The following TMED10 variants were observed in gnomAD, a reference collection of about 807,000 sequenced individuals.
The protein encoded by TMED10 is transmembrane p24 trafficking protein 10, also known as transmembrane emp24 domain-containing protein 10.
TMED10 carries 7 observed loss-of-function variants against 23.1 expected under a neutral mutation model. The observed-to-expected ratio is 0.30, with a 90% CI of 0.17 to 0.57. The LOEUF is 0.57. TMED10 is among the 20% of genes least tolerant of loss of function. The pLI is 0.91. For missense variants in TMED10, 162 were observed against 274.8 expected (o/e 0.59, Z 2.90); for synonymous variants, 113 against 106.9 (o/e 1.06, Z -0.35).
chr14:75,165,989 G>A (rs995463708), intron 1 of TMED10, among the ~76,000 whole-genome samples: 1 of 151,458 alleles, frequency 6.6e-6, no homozygotes, highest in Non-Finnish European at 1.5e-5. Flanking sequence ...GGGAGGAGTG[G>A]GGGGGTAAGA....
At chr14:75,151,917 C>T in intron 2 of TMED10, 115 bp downstream of exon 2, 1 of 938,902 alleles carries the variant, frequency 1.1e-6, no homozygotes, top group Non-Finnish European at 1.6e-6. Context: ...AACAGGTCTC[C>T]AAATCAGAAT....
chr14:75,176,586 G>T lies in TMED10; in HGVS notation c.-7C>A. The T allele has an allele frequency of 1.2e-6, 2 of 1,613,932 alleles. No individual in the cohort carries two copies. The highest frequency in any genetic ancestry group is 2.2e-5 in the South Asian group (2 of 91,060). On this transcript the variant is annotated 5_prime_UTR_variant, in exon 1 of 5. Coordinates refer to ENST00000303575, the MANE Select transcript of TMED10 (RefSeq NM_006827.6). ...GGCCAGACAAACCAGACATGGTGCTGGAGACTCGTTCACCACCGAAGGCCT... is the reference window on the plus strand; with the variant it reads ...GGCCAGACAAACCAGACATGGTGCTTGAGACTCGTTCACCACCGAAGGCCT...
At position 75,131,873 on chromosome 14, in the gene TMED10, A is replaced by C. The variant is rs2139825911; in HGVS notation, c.*3012T>G. 6.6e-6 allele frequency: 1 copy of C among 152,430 alleles called. No homozygotes were observed. Among genetic ancestry groups the C allele is most frequent in the East Asian group, 1.9e-4 (1 of 5,194 alleles). The allele number at this position is 152,430 out of a possible 1,614,324, so 9.4% of individuals were successfully genotyped here. ...AAGGGAAGGGACATGAAAGAATGTC[A>C]ACTCCTACAAAGCTTAAGTTTAGGG... On this transcript the variant is annotated 3_prime_UTR_variant, in exon 5 of 5. Transcript: ENST00000303575.
Position 75,132,396 on chromosome 14 carries a change from C to G in TMED10, c.*2489G>C, listed in dbSNP as rs1339152768. On this transcript the variant is annotated 3_prime_UTR_variant, in exon 5 of 5. Transcript: ENST00000303575. ...CAGCAAGACTCCGTCCCCCCCCCCC[C>G]AAAAAAAAAAAAGTTTAAGGATGTA... 9.8e-6 allele frequency: 1 copy of G among 102,518 alleles called. No homozygotes were observed. Among genetic ancestry groups the G allele is most frequent in the Non-Finnish European group, 2.0e-5 (1 of 50,280 alleles). The allele number at this position is 102,518 out of a possible 1,614,324, so 6.4% of individuals were successfully genotyped here. A position where few individuals can be genotyped will look rare whatever the true frequency, so the allele number is the denominator to read the frequency against.
At chr14:75,149,205 CTG>C (rs1315395851) in intron 2 of TMED10, among the ~76,000 whole-genome samples, 1 of 152,256 alleles carries the variant, frequency 6.6e-6, no homozygotes, top group East Asian at 1.9e-4. Context: ...GCATGAGCCA[CTG>C]TGCCTGGCGG....
At chr14:75,140,994 A>T (rs1434675686) in intron 3 of TMED10, among the ~76,000 whole-genome samples, 1 of 152,152 alleles carries the variant, frequency 6.6e-6, no homozygotes, top group Non-Finnish European at 1.5e-5. Flanking sequence ...GATTTTTTTT[A>T]AACATTTTAA....
intron 1 of TMED10, among the ~76,000 whole-genome samples, chr14:75,155,045 G>A (rs1052570951): frequency 6.7e-6 from 1 of 150,068 alleles, no homozygotes; most frequent in South Asian, 2.2e-4. Flanking sequence ...TGCAACCTCC[G>A]CCTTCCGGAT....
intron 3 of TMED10, chr14:75,139,276 C>T (rs1378611314): frequency 3.3e-5 from 12 of 367,114 alleles, no homozygotes; most frequent in Non-Finnish European, 5.8e-5. Flanking sequence ...TAAGATCTTT[C>T]CAAAAATGTC....
intron 3 of TMED10, among the ~76,000 whole-genome samples, chr14:75,136,124 G>A (rs541829574): frequency 5.3e-5 from 8 of 152,044 alleles, no homozygotes; most frequent in South Asian, 2.1e-4. Context: ...TATAATAACC[G>A]TAGGCTATAA....
Position 75,144,609 on chromosome 14 carries a change from AGTCCACAGATATGAGGGAGAGATGT to A in TMED10, c.411+3030_411+3054del, listed in dbSNP as rs574062787. ...GACCACATGGGATTTCAGAATTATG[AGTCCACAGATATGAGGGAGAGATGT>A]GTTGGACATGAAAATTAAAGAAGTA... On this transcript the variant is annotated intron_variant, in intron 3 of 4. Coordinates refer to ENST00000303575, the MANE Select transcript of TMED10 (RefSeq NM_006827.6). Among the ~76,000 whole-genome samples the A allele has an allele frequency of 7.0e-4, 107 of 152,364 alleles. 2 individuals are homozygous for A. The highest frequency in any genetic ancestry group is 6.8e-3 in the Middle Eastern group (2 of 294).
rs1348099543 is a variant in TMED10, at chr14:75,132,586, T to C, written c.*2299A>G. Reference sequence around the variant, plus strand: ...TTCTCAACAGCAGATGGCAATGTTGTACAAGTTAACGACAGAACTACTTTT... The same window carrying C: ...TTCTCAACAGCAGATGGCAATGTTGCACAAGTTAACGACAGAACTACTTTT... On this transcript the variant is annotated 3_prime_UTR_variant, in exon 5 of 5. Transcript: ENST00000303575. The C allele has an allele frequency of 6.6e-6, 1 of 151,994 alleles. No homozygotes were observed. The highest frequency in any genetic ancestry group is 2.4e-5 in the African/African-American group (1 of 41,444). 9.4% of individuals were successfully genotyped at this position (151,994 alleles called of 1,614,324 possible).
intron 1 of TMED10, among the ~76,000 whole-genome samples, chr14:75,171,088 T>C (rs1014672003): frequency 1.3e-5 from 2 of 151,988 alleles, no homozygotes; most frequent in African/African-American, 2.4e-5. Flanking sequence ...ATTAAGGGTC[T>C]TGAGGTGGAG....
chr14:75,145,168 G>C (rs943281207), intron 3 of TMED10, among the ~76,000 whole-genome samples: 1 of 152,230 alleles, frequency 6.6e-6, no homozygotes, highest in Non-Finnish European at 1.5e-5. Flanking sequence ...CCTTGGAGCT[G>C]TGTTGTAACT....
At position 75,170,284 on chromosome 14, in the gene TMED10, G is replaced by A. The variant is rs78189088; in HGVS notation, c.225+6071C>T. Reference sequence around the variant, plus strand: ...GACACCATGAAAAAGACTGAAAGCCGCTATGGGCTGCATCTGCTCACAAAT... The same window carrying A: ...GACACCATGAAAAAGACTGAAAGCCACTATGGGCTGCATCTGCTCACAAAT... On this transcript the variant is annotated intron_variant, in intron 1 of 4. Transcript: ENST00000303575. Among the ~76,000 whole-genome samples the A allele has an allele frequency of 7.1e-3, 1,082 of 152,142 alleles. 16 individuals carry two copies. The highest frequency in any genetic ancestry group is 0.023 in the African/African-American group (965 of 41,496).
In TMED10 at chr14:75,162,387, A is replaced by G. The variant is rs575743833; in HGVS notation, c.226-10244T>C. ...CTGAAACAATCAGGGCAACAATTAT[A>G]GTACTGGTTTATAATCCAAAGTACA... is the stretch of plus-strand genomic sequence containing the variant. On this transcript the variant is annotated intron_variant, in intron 1 of 4. Transcript: ENST00000303575. Among the ~76,000 whole-genome samples the G allele has an allele frequency of 9.2e-5, 14 of 152,362 alleles. No individual in the cohort carries two copies. The South Asian group carries it at 2.5e-3, about 27-fold the overall frequency.
chr14:75,155,660 T>C (rs1373738595), intron 1 of TMED10, among the ~76,000 whole-genome samples: 1 of 152,046 alleles, frequency 6.6e-6, no homozygotes, highest in Non-Finnish European at 1.5e-5. Flanking sequence ...TATGCACAAG[T>C]GCCATGGGAT....
chr14:75,155,549 T>C (rs1037215337), intron 1 of TMED10, among the ~76,000 whole-genome samples: 2 of 152,256 alleles, frequency 1.3e-5, no homozygotes, highest in African/African-American at 4.8e-5. Flanking sequence ...CATCACATTA[T>C]ATATCTTGAA....
chr14:75,171,311 G>A lies in TMED10; in HGVS notation c.225+5044C>T, dbSNP rs146352949. On this transcript the variant is annotated intron_variant, in intron 1 of 4. Coordinates refer to ENST00000303575, the MANE Select transcript of TMED10 (RefSeq NM_006827.6). ...TTTTTTTTTTTTGAGACAAAGTCTC[G>A]CTCTGTCACCCAGGCTGGAGTGCCG... 3.9e-3 allele frequency among the ~76,000 whole-genome samples: 586 copies of A among 149,484 alleles called. 4 individuals carry two copies. Among genetic ancestry groups the A allele is most frequent in the African/African-American group, 0.014 (570 of 40,620 alleles).
At chr14:75,154,767 G>C (rs570718476) in intron 1 of TMED10, among the ~76,000 whole-genome samples, 16 of 151,978 alleles carry the variant, frequency 1.1e-4, no homozygotes, top group South Asian at 2.1e-4. Context: ...GGGTTCAAGC[G>C]ATTCTCCTGC....
Sources: gnomAD v4.1 joint callset for allele counts (sites outside exome capture counted in the v4.1 genomes callset) on GRCh38, gnomAD v4.1.1 for gene constraint, MANE v1.5 for transcripts, NCBI Gene and HGNC (gene_info 2026-07-23, HGNC 2026-07-21) for gene names.